The following SND1 variants were observed in gnomAD, a reference collection of about 807,000 sequenced individuals.
The protein encoded by SND1 is staphylococcal nuclease and tudor domain containing 1.
In SND1, 38 loss-of-function variants were observed where a neutral mutation model predicts 121.7. The ratio of observed to expected loss-of-function variants is 0.31; its 90% CI spans 0.24 to 0.41. The LOEUF is 0.41. Among genes scored for constraint, SND1 ranks in the 10% least tolerant of loss-of-function variants. The pLI is 1.00. For missense variants in SND1, 868 were observed against 1,184.6 expected (o/e 0.73, Z 3.92); for synonymous variants, 401 against 447.4 (o/e 0.90, Z 1.31).
At chr7:127,850,393 C>T (rs1799142834) in intron 12 of SND1, among the ~76,000 whole-genome samples, 1 of 152,202 alleles carries the variant, frequency 6.6e-6, no homozygotes, top group Non-Finnish European at 1.5e-5. Flanking sequence ...CTGGCCTAGT[C>T]ATCTTACCCA....
intron 14 of SND1, among the ~76,000 whole-genome samples, chr7:127,918,362 A>G: frequency 6.6e-6 from 1 of 152,050 alleles, no homozygotes; most frequent in African/African-American, 2.4e-5. Flanking sequence ...CACCGCCCCC[A>G]GATGACTTTT....
Position 127,887,313 on chromosome 7 carries a change from A to G in SND1, c.1344-589A>G, listed in dbSNP as rs1468045835. Among the ~76,000 whole-genome samples the G allele has an allele frequency of 3.9e-5, 6 of 152,058 alleles. No individual in the cohort carries two copies. In the East Asian group the frequency reaches 5.8e-4, roughly 15 times the overall value. On this transcript the variant is annotated intron_variant, in intron 12 of 23. Coordinates refer to ENST00000354725, the MANE Select transcript of SND1 (RefSeq NM_014390.4). ...CACAAAGAATTTCCTTTCTACTAGA[A>G]TGCCTCCCTCCTGCCTGCCTCTTCT... is the stretch of plus-strand genomic sequence containing the variant.
At chr7:127,799,665 C>T (rs912710203) in intron 10 of SND1, among the ~76,000 whole-genome samples, 1 of 152,146 alleles carries the variant, frequency 6.6e-6, no homozygotes. Context: ...TATTGTTTTC[C>T]ATTTCGTCTT....
intron 1 of SND1, among the ~76,000 whole-genome samples, chr7:127,666,378 A>G (rs1795418734): frequency 6.6e-6 from 1 of 152,218 alleles, no homozygotes; most frequent in Non-Finnish European, 1.5e-5. Flanking sequence ...GAGGAGCTGA[A>G]AGGCAATGTA....
At chr7:127,675,008 C>G (rs1387339900) in intron 1 of SND1, among the ~76,000 whole-genome samples, 1 of 152,192 alleles carries the variant, frequency 6.6e-6, no homozygotes, top group Non-Finnish European at 1.5e-5. Flanking sequence ...TGAGACCAGT[C>G]TGGCCAACAT....
At chr7:127,881,582 G>A (rs1021287690) in intron 12 of SND1, among the ~76,000 whole-genome samples, 11 of 152,066 alleles carry the variant, frequency 7.2e-5, no homozygotes, top group Non-Finnish European at 1.3e-4. Context: ...TATCTTTATT[G>A]TCCCCGTTGA....
chr7:128,018,525 G>T (rs1803277483), intron 16 of SND1, among the ~76,000 whole-genome samples: 2 of 152,184 alleles, frequency 1.3e-5, no homozygotes, highest in Non-Finnish European at 2.9e-5. Flanking sequence ...GGGGGGAAAT[G>T]AATCTGGCTG....
Position 128,091,728 on chromosome 7 carries a change from G to A in SND1, c.2623-109G>A. On this transcript the variant is annotated intron_variant, in intron 22 of 23. Coordinates refer to ENST00000354725, the MANE Select transcript of SND1 (RefSeq NM_014390.4). ...AGGGAACTAAGGCTCCATTGGACAG[G>A]CTTGAGCAAGGGAGAGCTCTGGCGC... The A allele has an allele frequency of 6.1e-6, 7 of 1,140,754 alleles. No homozygotes were observed. In the South Asian group the frequency reaches 7.4e-5, roughly 12 times the overall value. 70.7% of individuals were successfully genotyped at this position (1,140,754 alleles called of 1,614,324 possible).
chr7:127,709,564 A>G (rs1358877665), intron 9 of SND1, among the ~76,000 whole-genome samples: 1 of 152,222 alleles, frequency 6.6e-6, no homozygotes, highest in East Asian at 1.9e-4. Flanking sequence ...TGAGCTTTGC[A>G]TTTATCTTAA....
At chr7:128,056,149 T>C (rs976706262) in intron 16 of SND1, among the ~76,000 whole-genome samples, 2 of 152,272 alleles carry the variant, frequency 1.3e-5, no homozygotes, top group African/African-American at 4.8e-5. Flanking sequence ...ACACAGCAGA[T>C]ACTCAATAAG....
chr7:127,849,338 A>C (rs552095776), intron 12 of SND1, among the ~76,000 whole-genome samples: 1 of 152,312 alleles, frequency 6.6e-6, no homozygotes, highest in African/African-American at 2.4e-5. Context: ...TGGACTTCCC[A>C]ATTACTTTGA....
intron 10 of SND1, among the ~76,000 whole-genome samples, chr7:127,803,196 T>G (rs1356309515): frequency 1.3e-5 from 2 of 152,224 alleles, no homozygotes; most frequent in African/African-American, 4.8e-5. Flanking sequence ...CTGTTATCTT[T>G]GCTTTTCTTC....
intron 1 of SND1, among the ~76,000 whole-genome samples, chr7:127,682,848 C>T (rs1484548944): frequency 6.6e-6 from 1 of 152,138 alleles, no homozygotes; most frequent in South Asian, 2.1e-4. Flanking sequence ...AGTAGGCACT[C>T]AGTAAGTTTG....
intron 16 of SND1, among the ~76,000 whole-genome samples, chr7:128,064,562 G>A (rs1193209430): frequency 6.6e-6 from 1 of 152,198 alleles, no homozygotes; most frequent in East Asian, 1.9e-4. Context: ...TGGAAGAACA[G>A]GTTTCATAGT....
At position 128,065,601 on chromosome 7, in the gene SND1, G is replaced by T. The variant is rs755998708; in HGVS notation, c.1780-8901G>T. Among the ~76,000 whole-genome samples, 12 of 152,318 alleles carry T rather than the reference G, an allele frequency of 7.9e-5. No homozygotes were observed. The South Asian group carries it at 2.3e-3, about 29-fold the overall frequency. On this transcript the variant is annotated intron_variant, in intron 16 of 23. Transcript: ENST00000354725. ...TAGATCATACACCGATTTTCCCCAAGAAAAGAGGCCAACTGTCTTCTCACA... is the reference window on the plus strand; with the variant it reads ...TAGATCATACACCGATTTTCCCCAATAAAAGAGGCCAACTGTCTTCTCACA...
intron 10 of SND1, among the ~76,000 whole-genome samples, chr7:127,733,489 GTCTT>G (rs1003386902): frequency 1.3e-5 from 2 of 152,184 alleles, no homozygotes; most frequent in African/African-American, 4.8e-5. Flanking sequence ...TGGTACATCT[GTCTT>G]TTACCTAGGT....
At chr7:127,877,589 A>G (rs1799714743) in intron 12 of SND1, among the ~76,000 whole-genome samples, 2 of 152,040 alleles carry the variant, frequency 1.3e-5, no homozygotes, top group African/African-American at 4.8e-5. Flanking sequence ...ACATTTCTCT[A>G]TCATCCTTCT....
At chr7:127,665,019 T>C (rs2116245872) in intron 1 of SND1, among the ~76,000 whole-genome samples, 1 of 152,252 alleles carries the variant, frequency 6.6e-6, no homozygotes, top group South Asian at 2.1e-4. Context: ...TGGGGAGATA[T>C]CACTGGACCA....
intron 15 of SND1, among the ~76,000 whole-genome samples, chr7:127,955,195 G>C (rs1801564055): frequency 6.6e-6 from 1 of 152,146 alleles, no homozygotes. Flanking sequence ...TGCGTAATGT[G>C]CCTATTTAAC....
Sources: allele counts gnomAD v4.1 joint callset (sites outside exome capture counted in the v4.1 genomes callset), GRCh38; gene constraint gnomAD v4.1.1; transcripts MANE v1.5; gene names NCBI Gene and HGNC (gene_info 2026-07-23, HGNC 2026-07-21).